PDE1C: variants seen among roughly 807,000 people sequenced by gnomAD.
PDE1C encodes the protein phosphodiesterase 1C, also known as dual specificity calcium/calmodulin-dependent 3',5'-cyclic nucleotide phosphodiesterase 1C.
PDE1C carries 62 observed loss-of-function variants against 93.1 expected under a neutral mutation model. The observed-to-expected ratio is 0.67, with a 90% CI of 0.54 to 0.82. The LOEUF is 0.82. PDE1C is among the 40% of genes least tolerant of loss of function. The probability of loss-of-function intolerance (pLI) is 0.00; values close to 1 mark genes in which losing one functional copy is unlikely to be tolerated. For synonymous variants in PDE1C, 325 were observed against 310.1 expected, an observed-to-expected ratio of 1.05 and a Z score of -0.50; for missense variants, 742 against 884.6, an observed-to-expected ratio of 0.84 and a Z score of 2.04.
chr7:32,289,638 A>G (rs1445490349), intron 1 of PDE1C, among the ~76,000 whole-genome samples: 1 of 152,198 alleles, frequency 6.6e-6, no homozygotes, highest in East Asian at 1.9e-4. Context: ...TTAAGCCAGG[A>G]AAGAGCCCTG....
intron 1 of PDE1C, among the ~76,000 whole-genome samples, chr7:32,419,936 G>A (rs1172083645): frequency 1.3e-5 from 2 of 150,110 alleles, no homozygotes; most frequent in Non-Finnish European, 3.0e-5. Flanking sequence ...GTAAAAATGG[G>A]GTAATAGGCT....
chr7:32,267,008 C>T lies in PDE1C; in HGVS notation c.85+31643G>A, dbSNP rs578103329. Among the ~76,000 whole-genome samples the T allele has an allele frequency of 3.3e-5, 5 of 152,288 alleles. No homozygotes were observed. In the East Asian group the frequency reaches 5.8e-4, roughly 18 times the overall value. On this transcript the variant is annotated intron_variant, in intron 1 of 18. Coordinates refer to the PDE1C transcript ENST00000396193. ...CGGCATTCTCACGGTCCAGCAAGGC[C>T]GTCTGGGAGCAAAGTCAGCAGTCAG...
At chr7:31,686,276 G>A in the PDE1C span, among the ~76,000 whole-genome samples, 80 of 152,148 alleles carry the variant, frequency 5.3e-4, 1 homozygote, top group African/African-American at 1.8e-3. Context: ...CAAAACTGCT[G>A]CTCCTCCAAA....
At chr7:31,802,277 T>C (rs908642978) in intron 16 of PDE1C, among the ~76,000 whole-genome samples, 2 of 151,572 alleles carry the variant, frequency 1.3e-5, no homozygotes, top group African/African-American at 4.8e-5. Flanking sequence ...ATATATGCTC[T>C]TAATTTACCT....
intron 1 of PDE1C, among the ~76,000 whole-genome samples, chr7:32,337,570 C>T (rs55878353): frequency 0.063 from 9,599 of 152,126 alleles, 1,040 homozygotes; most frequent in African/African-American, 0.22. Flanking sequence ...GCATTTAATA[C>T]GCCTATTAGA....
chr7:32,294,757 C>G (rs1425128997), intron 1 of PDE1C, among the ~76,000 whole-genome samples: 1 of 152,160 alleles, frequency 6.6e-6, no homozygotes, highest in African/African-American at 2.4e-5. Context: ...CTACGCATCC[C>G]AATCATTCAC....
At chr7:31,794,445 C>A (rs958432644) in intron 16 of PDE1C, among the ~76,000 whole-genome samples, 9 of 151,908 alleles carry the variant, frequency 5.9e-5, no homozygotes, top group Non-Finnish European at 4.4e-5. Flanking sequence ...TCCTCTCTAC[C>A]CTTGTTGCTT....
intron 1 of PDE1C, among the ~76,000 whole-genome samples, chr7:32,305,933 T>C (rs1279983798): frequency 1.3e-5 from 2 of 152,240 alleles, no homozygotes; most frequent in African/African-American, 4.8e-5. Context: ...CCAAATCTCA[T>C]CTTGAATTGT....
chr7:32,011,812 T>G (rs1470335312), intron 2 of PDE1C, among the ~76,000 whole-genome samples: 1 of 152,174 alleles, frequency 6.6e-6, no homozygotes, highest in South Asian at 2.1e-4. Flanking sequence ...ATGTAGCCAT[T>G]CCACTTTTAG....
In PDE1C at chr7:31,904,262, T is replaced by G. The variant is rs113011024; in HGVS notation, c.129-23402A>C. ...GACTGGGCAATAGGAAGATAAAACATTCTAACTCTTCGTTTGGTTCTCATT... is the reference window on the plus strand; with the variant it reads ...GACTGGGCAATAGGAAGATAAAACAGTCTAACTCTTCGTTTGGTTCTCATT... On this transcript the variant is annotated intron_variant, in intron 2 of 17. Transcript: ENST00000396191. 3.6e-3 allele frequency among the ~76,000 whole-genome samples: 555 copies of G among 152,212 alleles called. 2 individuals carry two copies. The highest frequency in any genetic ancestry group is 0.012 in the African/African-American group (513 of 41,546).
rs112791453 is a variant in PDE1C at position 32,209,543 on chromosome 7, GA to G, written c.86-5del. On this transcript the variant is annotated splice_region_variant and splice_polypyrimidine_tract_variant and intron_variant, in intron 1 of 18. Transcript: ENST00000396193. ...TTGTCTCCAGCTTCATTTGCAACTA[GA>G]AAAAAAAAAGAGGATGCAATTTAAA... 9.0e-4 allele frequency: 1,225 copies of G among 1,356,890 alleles called. No homozygotes were observed. Among genetic ancestry groups the G allele is most frequent in the Admixed American group, 3.4e-3 (144 of 42,126 alleles). The allele number at this position is 1,356,890 out of a possible 1,614,324, so 84.1% of individuals were successfully genotyped here.
intron 3 of PDE1C, among the ~76,000 whole-genome samples, chr7:32,163,088 G>A (rs1264164337): frequency 6.6e-6 from 1 of 152,172 alleles, no homozygotes; most frequent in East Asian, 1.9e-4. Flanking sequence ...AAAGACTAAA[G>A]GTGAAAAATA....
At chr7:31,805,890 T>A (rs1786760824) in intron 16 of PDE1C, among the ~76,000 whole-genome samples, 1 of 151,876 alleles carries the variant, frequency 6.6e-6, no homozygotes, top group South Asian at 2.1e-4. Context: ...ATTTCCTGGC[T>A]CCCAAAGATC....
chr7:32,031,785 C>A (rs1408479437), intron 2 of PDE1C, among the ~76,000 whole-genome samples: 2 of 152,072 alleles, frequency 1.3e-5, no homozygotes, highest in African/African-American at 4.8e-5. Flanking sequence ...GTAGGAGAGG[C>A]CCCTCTACCA....
chr7:31,772,575 T>TA (rs1795566564), intron 17 of PDE1C, among the ~76,000 whole-genome samples: 1 of 110,572 alleles, frequency 9.0e-6, no homozygotes, highest in South Asian at 2.4e-4. Flanking sequence ...AAAAGATATA[T>TA]TTTTTTATTA....
At chr7:31,720,090 G>C in the PDE1C span, among the ~76,000 whole-genome samples, 3 of 142,218 alleles carry the variant, frequency 2.1e-5, no homozygotes, top group Non-Finnish European at 3.0e-5. Flanking sequence ...GTGAACCCGG[G>C]AAGCGGAGCT....
chr7:31,649,003 G>A, the PDE1C span, among the ~76,000 whole-genome samples: 1 of 152,184 alleles, frequency 6.6e-6, no homozygotes, highest in Non-Finnish European at 1.5e-5. Context: ...CCATAATCTA[G>A]CATTCCTGCC....
At chr7:32,367,476 AT>A (rs764544953) in intron 1 of PDE1C, among the ~76,000 whole-genome samples, 9 of 152,234 alleles carry the variant, frequency 5.9e-5, no homozygotes, top group Non-Finnish European at 1.2e-4. Flanking sequence ...TGCTGAATAG[AT>A]TAAAAAGAAG....
chr7:32,293,418 C>G (rs927683044), intron 1 of PDE1C, among the ~76,000 whole-genome samples: 1 of 152,152 alleles, frequency 6.6e-6, no homozygotes, highest in Non-Finnish European at 1.5e-5. Context: ...GGGCTGCTCT[C>G]GGTCGAAGTG....
Sources: allele counts gnomAD v4.1 joint callset (sites outside exome capture counted in the v4.1 genomes callset), GRCh38; gene constraint gnomAD v4.1.1; transcripts MANE v1.5; gene names NCBI Gene and HGNC (gene_info 2026-07-23, HGNC 2026-07-21).